Variants in PSMD14 observed in about 807,000 individuals in gnomAD.
The protein encoded by PSMD14 is ubiquitin C-terminal hydrolase PSMD14.
In PSMD14, 7 loss-of-function variants were observed where a neutral mutation model predicts 41.2. The observed-to-expected ratio is 0.17, with a 90% CI of 0.10 to 0.32. PSMD14 has a LOEUF of 0.32. Ranked by LOEUF, PSMD14 falls within the 10% of genes least tolerant of loss-of-function variation. PSMD14 has a pLI of 1.00. For missense variants in PSMD14, 139 were observed against 375.6 expected (o/e 0.37, Z 5.21); for synonymous variants, 114 against 122.3 (o/e 0.93, Z 0.45).
intron 3 of PSMD14, among the ~76,000 whole-genome samples, chr2:161,353,152 C>G (rs1160828771): frequency 6.6e-6 from 1 of 152,156 alleles, no homozygotes; most frequent in African/African-American, 2.4e-5. Flanking sequence ...AAAAGATACT[C>G]TATATCATAA....
intron 7 of PSMD14, among the ~76,000 whole-genome samples, chr2:161,377,592 A>G (rs1450201334): frequency 6.6e-6 from 1 of 151,890 alleles, no homozygotes; most frequent in Non-Finnish European, 1.5e-5. Context: ...TAAGAGCATA[A>G]GTCGTATATA....
intron 10 of PSMD14, among the ~76,000 whole-genome samples, chr2:161,396,431 A>G (rs970827413): frequency 2.6e-5 from 4 of 152,194 alleles, no homozygotes; most frequent in East Asian, 1.9e-4. Context: ...TATACATACA[A>G]TGGAATACTA....
chr2:161,400,545 G>T (rs1683861726), intron 10 of PSMD14, among the ~76,000 whole-genome samples: 1 of 152,096 alleles, frequency 6.6e-6, no homozygotes, highest in Non-Finnish European at 1.5e-5. Context: ...GCATAGCCCA[G>T]AATTATTATT....
chr2:161,350,902 GTAT>G (rs1683109717), intron 3 of PSMD14, among the ~76,000 whole-genome samples: 1 of 152,174 alleles, frequency 6.6e-6, no homozygotes, highest in African/African-American at 2.4e-5. Context: ...TAGTCTCCAA[GTAT>G]TATACTGTGG....
chr2:161,401,241 C>T (rs1325960972), intron 10 of PSMD14, among the ~76,000 whole-genome samples: 5 of 152,148 alleles, frequency 3.3e-5, no homozygotes, highest in African/African-American at 7.2e-5. Flanking sequence ...ATGTATATAA[C>T]GTACAAAATA....
intron 3 of PSMD14, among the ~76,000 whole-genome samples, chr2:161,342,849 A>G (rs572826012): frequency 2.0e-4 from 30 of 152,164 alleles, no homozygotes; most frequent in African/African-American, 6.0e-4. Flanking sequence ...ATTTCTAGCT[A>G]TAACTTGTTT....
chr2:161,411,573 G>C lies in PSMD14; in HGVS notation c.*173G>C, dbSNP rs1264078357. ...TTGTGCAATTACTTCTGTTTCTTTA[G>C]TCAGGGTCTTTGCAGATTCTAAAGT... is the stretch of plus-strand genomic sequence containing the variant. On this transcript the variant is annotated 3_prime_UTR_variant, in exon 12 of 12. Coordinates refer to ENST00000409682, the MANE Select transcript of PSMD14 (RefSeq NM_005805.6). 2.5e-6 allele frequency: 1 copy of C among 399,262 alleles called. No individual in the cohort carries two copies. Among genetic ancestry groups the C allele is most frequent in the Non-Finnish European group, 4.4e-6 (1 of 225,676 alleles). 24.7% of individuals were successfully genotyped at this position (399,262 alleles called of 1,614,324 possible).
At chr2:161,312,804 A>G (rs1349602876) in intron 1 of PSMD14, among the ~76,000 whole-genome samples, 1 of 152,182 alleles carries the variant, frequency 6.6e-6, no homozygotes, top group East Asian at 1.9e-4. Context: ...AGTATAACAC[A>G]TTCACTTTGT....
intron 7 of PSMD14, among the ~76,000 whole-genome samples, chr2:161,371,767 T>C (rs1418262717): frequency 6.6e-6 from 1 of 152,126 alleles, no homozygotes; most frequent in Non-Finnish European, 1.5e-5. Flanking sequence ...TTTCCAAATA[T>C]TTTAGACAAT....
At chr2:161,342,647 C>T (rs1682983465) in intron 3 of PSMD14, among the ~76,000 whole-genome samples, 1 of 151,604 alleles carries the variant, frequency 6.6e-6, no homozygotes, top group South Asian at 2.1e-4. Context: ...CAGTCATAGT[C>T]TCAGCTTTTT....
chr2:161,402,595 C>T (rs920684457), intron 10 of PSMD14, among the ~76,000 whole-genome samples: 2 of 151,946 alleles, frequency 1.3e-5, no homozygotes, highest in African/African-American at 4.8e-5. Context: ...GAACCGTGAT[C>T]ATACCACTGT....
intron 7 of PSMD14, among the ~76,000 whole-genome samples, chr2:161,381,103 T>C (rs970637467): frequency 1.3e-5 from 2 of 151,768 alleles, no homozygotes; most frequent in Non-Finnish European, 2.9e-5. Flanking sequence ...ACTGAATTTT[T>C]ACTTTTTTTC....
intron 5 of PSMD14, among the ~76,000 whole-genome samples, chr2:161,368,350 T>G (rs1312603966): frequency 6.6e-6 from 1 of 152,124 alleles, no homozygotes; most frequent in East Asian, 1.9e-4. Flanking sequence ...GATGAATGAC[T>G]TTTTAAGCTT....
intron 3 of PSMD14, among the ~76,000 whole-genome samples, chr2:161,352,413 A>G (rs1559044964): frequency 6.6e-6 from 1 of 152,222 alleles, no homozygotes; most frequent in Admixed American, 6.5e-5. Context: ...GCGCTTTGAA[A>G]TAGGGCCTTG....
chr2:161,388,923 T>G (rs1020299993), intron 8 of PSMD14, among the ~76,000 whole-genome samples: 2 of 152,098 alleles, frequency 1.3e-5, no homozygotes, highest in African/African-American at 4.8e-5. Flanking sequence ...GCCGGTTGAC[T>G]TATGATTTGG....
intron 6 of PSMD14, 68 bp from the exon 7 acceptor site, chr2:161,371,104 G>GT: frequency 6.6e-7 from 1 of 1,510,942 alleles, no homozygotes; most frequent in Non-Finnish European, 9.1e-7. Context: ...TTAGTGTGTT[G>GT]TTTCTTTTCA....
chr2:161,366,588 T>C (rs1432475525), intron 3 of PSMD14, among the ~76,000 whole-genome samples: 2 of 152,160 alleles, frequency 1.3e-5, no homozygotes, highest in African/African-American at 4.8e-5. Flanking sequence ...AAGGGAACTT[T>C]AAGCAAAACA....
intron 3 of PSMD14, among the ~76,000 whole-genome samples, chr2:161,326,955 T>C (rs1181837303): frequency 6.6e-6 from 1 of 152,200 alleles, no homozygotes; most frequent in Non-Finnish European, 1.5e-5. Flanking sequence ...ATATTTTCTA[T>C]CTATGGTTGG....
intron 3 of PSMD14, chr2:161,340,693 A>G: frequency 2.0e-6 from 3 of 1,528,038 alleles, no homozygotes; most frequent in Admixed American, 4.3e-5. Context: ...CAGCAGATTT[A>G]TGGAGGCAGC....
Sources: allele counts gnomAD v4.1 joint callset (sites outside exome capture counted in the v4.1 genomes callset), GRCh38; gene constraint gnomAD v4.1.1; transcripts MANE v1.5; gene names NCBI Gene and HGNC (gene_info 2026-07-23, HGNC 2026-07-21).